The following DMRT3 variants were observed in gnomAD, a reference collection of about 807,000 sequenced individuals.
DMRT3 encodes doublesex and mab-3 related transcription factor 3.
In DMRT3, 29 loss-of-function variants were observed where a neutral mutation model predicts 34.9. The ratio of observed to expected loss-of-function variants is 0.83; its 90% CI spans 0.62 to 1.13. DMRT3 has a LOEUF of 1.13. Ranked by LOEUF, DMRT3 falls within the 50% of genes most tolerant of loss-of-function variation. The pLI, the probability that DMRT3 is intolerant of heterozygous loss-of-function variation, is 0.00. For synonymous variants in DMRT3, 350 were observed against 286.0 expected (o/e 1.22, Z -2.26); for missense variants, 772 against 629.1 (o/e 1.23, Z -2.43).
Position 977,367 on chromosome 9 carries a change from C to G in DMRT3, c.366C>G (p.Arg122=), listed in dbSNP as rs765553643. 8.1e-7 allele frequency: 1 copy of G among 1,233,542 alleles called. No individual in the cohort carries two copies. The highest frequency in any genetic ancestry group is 1.6e-5 in the African/African-American group (1 of 63,850). 76.4% of individuals were successfully genotyped at this position (1,233,542 alleles called of 1,614,324 possible). A position where few individuals can be genotyped will look rare whatever the true frequency, so the allele number is the denominator to read the frequency against. The part of the protein sequence containing the change: ...ASQPSQPQPP[R]PAAELAAAAA... ...AGCCGTCGCAGCCGCAGCCGCCGCGCCCTGCTGCCGAGTTGGCCGCGGCCG... is the reference window on the plus strand; with the variant it reads ...AGCCGTCGCAGCCGCAGCCGCCGCGGCCTGCTGCCGAGTTGGCCGCGGCCG... The change falls in exon 1 of 2, where the codon CGC becomes CGG. Residue 122 remains arginine, a synonymous_variant. Transcript: ENST00000190165.
At position 977,163 on chromosome 9, in the gene DMRT3, C is replaced by T. The variant is rs1225981574; in HGVS notation, c.162C>T (p.Thr54=). Residue 54 remains threonine, a synonymous_variant, in exon 1 of 2, where the codon ACC becomes ACT. Coordinates refer to ENST00000190165, the MANE Select transcript of DMRT3 (RefSeq NM_021240.4). Reference sequence around the variant, plus strand: ...GTTACTGCCGCTTCAAGGACTGCACCTGCGAGAAGTGCATCCTCATCATCG... The same window carrying T: ...GTTACTGCCGCTTCAAGGACTGCACTTGCGAGAAGTGCATCCTCATCATCG... ...HKRYCRFKDC[T]CEKCILIIER... 1.2e-5 allele frequency: 19 copies of T among 1,611,554 alleles called. No homozygotes were observed. Among genetic ancestry groups the T allele is most frequent in the Admixed American group, 1.7e-5 (1 of 59,838 alleles).
At chr9:984,923 G>A (rs1820265490) in intron 1 of DMRT3, among the ~76,000 whole-genome samples, 1 of 151,978 alleles carries the variant, frequency 6.6e-6, no homozygotes, top group Non-Finnish European at 1.5e-5. Flanking sequence ...TAGATTGAAA[G>A]CACTTTTGTG....
At chr9:984,439 A>C (rs1337485807) in intron 1 of DMRT3, among the ~76,000 whole-genome samples, 1 of 150,820 alleles carries the variant, frequency 6.6e-6, no homozygotes, top group African/African-American at 2.4e-5. Context: ...TATGACATCT[A>C]AGTCAGAAAG....
rs1820296665 is a variant in DMRT3, at chr9:987,167, T to C, written c.455-2874T>C. On this transcript the variant is annotated intron_variant, in intron 1 of 1. Coordinates refer to ENST00000190165, the MANE Select transcript of DMRT3 (RefSeq NM_021240.4). The stretch of plus-strand genomic sequence containing the variant: ...ATCCATCTTCAGAACCTTTTCATCA[T>C]TCCAGACGGAAACTCCATACCCATG... Among the ~76,000 whole-genome samples the C allele has an allele frequency of 2.0e-5, 3 of 152,280 alleles. No homozygotes were observed. The South Asian group carries it at 6.2e-4, about 32-fold the overall frequency.
In DMRT3 at chr9:977,236, G is replaced by A; in HGVS notation, c.235G>A (p.Ala79Thr). The A allele has an allele frequency of 6.3e-7, 1 of 1,598,920 alleles. No individual in the cohort carries two copies. The highest frequency in any genetic ancestry group is 1.4e-5 in the African/African-American group (1 of 73,808). The change falls in exon 1 of 2, where the codon GCC becomes ACC. Residue 79 changes from alanine (A) to threonine (T), a missense_variant. Coordinates refer to ENST00000190165, the MANE Select transcript of DMRT3 (RefSeq NM_021240.4). The stretch of plus-strand genomic sequence containing the variant: ...GCAGGTGGCGCTGCGCCGGCAGCAG[G>A]CCAACGAGAGCTTGGAGAGCCTCAT... ...AAQVALRRQQ[A>T]NESLESLIPD... is the part of the protein sequence containing the mutation.
chr9:982,265 G>T (rs951428720), intron 1 of DMRT3, among the ~76,000 whole-genome samples: 1 of 152,178 alleles, frequency 6.6e-6, no homozygotes, highest in Non-Finnish European at 1.5e-5. Flanking sequence ...TGGCGTCAGG[G>T]AGGTGCTGGG....
chr9:989,280 G>A (rs372830436), intron 1 of DMRT3, among the ~76,000 whole-genome samples: 78 of 152,270 alleles, frequency 5.1e-4, no homozygotes, highest in African/African-American at 1.7e-3. Context: ...TAATGCCCCC[G>A]TGCAATTTAA....
intron 1 of DMRT3, among the ~76,000 whole-genome samples, chr9:981,040 A>G (rs1168422610): frequency 3.3e-5 from 5 of 152,162 alleles, no homozygotes; most frequent in Non-Finnish European, 7.3e-5. Flanking sequence ...ATGGTTAGGA[A>G]TAAGAGAGAA....
intron 1 of DMRT3, among the ~76,000 whole-genome samples, chr9:982,594 A>G (rs77934119): frequency 3.2e-4 from 48 of 152,342 alleles, no homozygotes; most frequent in African/African-American, 1.1e-3. Context: ...TGTTTGCAAA[A>G]TACAATCAAA....
chr9:989,249 C>T (rs759097647), intron 1 of DMRT3, among the ~76,000 whole-genome samples: 6 of 152,322 alleles, frequency 3.9e-5, no homozygotes, highest in East Asian at 3.9e-4. Flanking sequence ...GAGTGTGATG[C>T]GTTGTTTCAT....
Position 991,016 on chromosome 9 carries a change from G to C in DMRT3, c.*11G>C. The C allele has an allele frequency of 1.3e-6, 2 of 1,596,040 alleles. No homozygotes were observed. Among genetic ancestry groups the C allele is most frequent in the Non-Finnish European group, 1.7e-6 (2 of 1,167,402 alleles). On this transcript the variant is annotated 3_prime_UTR_variant, in exon 2 of 2. Coordinates refer to ENST00000190165, the MANE Select transcript of DMRT3 (RefSeq NM_021240.4). ...AACACATCATCTTAAAGTGGTGCTG[G>C]ATGGGTGGTGGCCAGGTGACATTTT...
At chr9:977,903 G>A (rs1323500765) in intron 1 of DMRT3, among the ~76,000 whole-genome samples, 1 of 44,682 alleles carries the variant, frequency 2.2e-5, no homozygotes, top group Non-Finnish European at 4.4e-5. Context: ...TAGGGAAGGA[G>A]CCAAGGCCAA....
chr9:982,402 T>C (rs2130061358), intron 1 of DMRT3, among the ~76,000 whole-genome samples: 1 of 152,346 alleles, frequency 6.6e-6, no homozygotes, highest in Middle Eastern at 3.4e-3. Flanking sequence ...CTTGGTGTTA[T>C]AAATCTGGAG....
rs1278408021 is a variant in DMRT3 at position 990,971 on chromosome 9, C to G, written c.1385C>G (p.Ser462Cys). Residue 462 changes from serine (S) to cysteine (C), a missense_variant, in exon 2 of 2, where the codon TCC (serine) becomes TGC (cysteine). By Grantham distance (112) the Ser-to-Cys change is moderately radical. Transcript: ENST00000190165. ...TEDDYDERSD[S>C]SDSRTLNTSS ...GACGACTATGACGAGAGGTCTGACTCCTCAGACTCTAGAACACTCAACACA... is the reference window on the plus strand; with the variant it reads ...GACGACTATGACGAGAGGTCTGACTGCTCAGACTCTAGAACACTCAACACA... The G allele has an allele frequency of 9.9e-6, 16 of 1,613,974 alleles. No individual in the cohort carries two copies. The highest frequency in any genetic ancestry group is 1.3e-5 in the Non-Finnish European group (15 of 1,179,900).
intron 1 of DMRT3, among the ~76,000 whole-genome samples, chr9:977,995 T>A (rs929943498): frequency 3.3e-5 from 5 of 152,118 alleles, no homozygotes; most frequent in African/African-American, 1.2e-4. Context: ...TGAGGACAAG[T>A]ATCCAACTCT....
chr9:983,138 T>C (rs1224111845), intron 1 of DMRT3, among the ~76,000 whole-genome samples: 1 of 152,200 alleles, frequency 6.6e-6, no homozygotes, highest in East Asian at 1.9e-4. Flanking sequence ...TTTTTGCATT[T>C]TATTGCATAA....
At chr9:984,406 A>G (rs1820257512) in intron 1 of DMRT3, among the ~76,000 whole-genome samples, 1 of 152,002 alleles carries the variant, frequency 6.6e-6, no homozygotes. Flanking sequence ...TCGTAGATAT[A>G]ATTGGATAGA....
chr9:978,432 G>T (rs1820178851), intron 1 of DMRT3, among the ~76,000 whole-genome samples: 1 of 152,174 alleles, frequency 6.6e-6, no homozygotes, highest in Admixed American at 6.5e-5. Flanking sequence ...AATGTGCAAA[G>T]GAACACAGCC....
chr9:982,315 G>A (rs935042076), intron 1 of DMRT3, among the ~76,000 whole-genome samples: 1 of 152,184 alleles, frequency 6.6e-6, no homozygotes, highest in Admixed American at 6.5e-5. Flanking sequence ...CAGGAAAAAC[G>A]AGAGTGTGTT....
Sources: allele counts gnomAD v4.1 joint callset (sites outside exome capture counted in the v4.1 genomes callset), GRCh38; gene constraint gnomAD v4.1.1; transcripts MANE v1.5; gene names NCBI Gene and HGNC (gene_info 2026-07-23, HGNC 2026-07-21).